The following CDH20 variants were observed in gnomAD, a reference collection of about 807,000 sequenced individuals.
The protein encoded by CDH20 is cadherin-20.
Under a neutral mutation model 74.2 loss-of-function variants are expected in CDH20, and 29 were observed. The ratio of observed to expected loss-of-function variants is 0.39; its 90% CI spans 0.29 to 0.53. The LOEUF is 0.53. Among genes scored for constraint, CDH20 ranks in the 20% least tolerant of loss-of-function variants. The pLI, the probability that CDH20 is intolerant of heterozygous loss-of-function variation, is 0.69. For synonymous variants in CDH20, 469 were observed against 405.4 expected (o/e 1.16, Z -1.88); for missense variants, 988 against 1,048.3 (o/e 0.94, Z 0.79).
intron 1 of CDH20, among the ~76,000 whole-genome samples, chr18:61,380,163 G>A (rs1273417453): frequency 6.6e-6 from 1 of 152,202 alleles, no homozygotes; most frequent in Non-Finnish European, 1.5e-5. Context: ...TTCAGGGGAG[G>A]AAGGCCAATA....
At chr18:61,392,832 C>A (rs1303471448) in intron 1 of CDH20, among the ~76,000 whole-genome samples, 1 of 150,292 alleles carries the variant, frequency 6.7e-6, no homozygotes, top group Non-Finnish European at 1.5e-5. Flanking sequence ...AAATTTTGAA[C>A]CATGAAAGCA....
chr18:61,373,546 C>T (rs941900754), intron 1 of CDH20, among the ~76,000 whole-genome samples: 3 of 152,114 alleles, frequency 2.0e-5, no homozygotes, highest in Admixed American at 1.3e-4. Flanking sequence ...TCTTCTCCAG[C>T]GCTCCTTCCA....
intron 1 of CDH20, among the ~76,000 whole-genome samples, chr18:61,474,903 A>G (rs1485445752): frequency 6.6e-6 from 1 of 152,158 alleles, no homozygotes. Flanking sequence ...AAAAACATGA[A>G]GAAGGTATTA....
chr18:61,354,995 T>C (rs1468513133), intron 1 of CDH20, among the ~76,000 whole-genome samples: 1 of 152,224 alleles, frequency 6.6e-6, no homozygotes, highest in Non-Finnish European at 1.5e-5. Flanking sequence ...TGGCCTTAAC[T>C]GGTACTGTCC....
intron 5 of CDH20, among the ~76,000 whole-genome samples, chr18:61,505,654 A>G (rs1911537524): frequency 6.6e-6 from 1 of 152,176 alleles, no homozygotes; most frequent in East Asian, 1.9e-4. Flanking sequence ...ACATCTTAAT[A>G]CCATTCTAAA....
intron 1 of CDH20, among the ~76,000 whole-genome samples, chr18:61,449,837 T>C (rs1233463919): frequency 3.3e-5 from 5 of 152,014 alleles, no homozygotes; most frequent in Non-Finnish European, 5.9e-5. Flanking sequence ...TTTTCTTTAA[T>C]AAATGAAAAT....
intron 1 of CDH20, among the ~76,000 whole-genome samples, chr18:61,343,245 A>C (rs896990100): frequency 6.6e-6 from 1 of 152,198 alleles, no homozygotes; most frequent in African/African-American, 2.4e-5. Flanking sequence ...CTGGATTTGC[A>C]ATGTATTACA....
chr18:61,351,054 T>A (rs1205974065), intron 1 of CDH20, among the ~76,000 whole-genome samples: 1 of 152,182 alleles, frequency 6.6e-6, no homozygotes, highest in Non-Finnish European at 1.5e-5. Flanking sequence ...CCTAAGTGAA[T>A]TCTTGTAGTT....
At chr18:61,401,777 C>T (rs751847042) in intron 1 of CDH20, among the ~76,000 whole-genome samples, 3 of 151,840 alleles carry the variant, frequency 2.0e-5, no homozygotes, top group Non-Finnish European at 4.4e-5. Context: ...ATTTTTGTTC[C>T]GTGCAAATTC....
chr18:61,455,413 T>C (rs1909540401), intron 1 of CDH20, among the ~76,000 whole-genome samples: 1 of 152,228 alleles, frequency 6.6e-6, no homozygotes, highest in Admixed American at 6.5e-5. Flanking sequence ...GAGCCATTAA[T>C]GAAATTATTT....
At chr18:61,486,461 A>G (rs1454119326) in intron 1 of CDH20, among the ~76,000 whole-genome samples, 1 of 152,194 alleles carries the variant, frequency 6.6e-6, no homozygotes, top group Non-Finnish European at 1.5e-5. Flanking sequence ...TGTACTCTAT[A>G]CAAAAGGATT....
Position 61,405,768 on chromosome 18 carries a change from A to C in CDH20, c.-153+71941A>C, listed in dbSNP as rs536822933. Among the ~76,000 whole-genome samples, 50 of 152,316 alleles carry C rather than the reference A, an allele frequency of 3.3e-4. 1 individual carries two copies. In the South Asian group the frequency reaches 0.01, roughly 32 times the overall value. ...TGGGTCCCAAGGCCTACAGAATCTGAAACTTCTAGGATGAGGCCCAGCAGC... is the reference window on the plus strand; with the variant it reads ...TGGGTCCCAAGGCCTACAGAATCTGCAACTTCTAGGATGAGGCCCAGCAGC... On this transcript the variant is annotated intron_variant, in intron 1 of 11. Coordinates refer to ENST00000262717, the MANE Select transcript of CDH20 (RefSeq NM_031891.4).
At chr18:61,360,342 A>G (rs909156716) in intron 1 of CDH20, among the ~76,000 whole-genome samples, 1 of 152,184 alleles carries the variant, frequency 6.6e-6, no homozygotes, top group East Asian at 1.9e-4. Context: ...TATTAGATTG[A>G]TGAATGGATG....
chr18:61,554,611 C>T lies in CDH20; in HGVS notation c.2322C>T (p.Phe774=), dbSNP rs1273686501. 3 of 1,607,976 alleles carry T rather than the reference C, an allele frequency of 1.9e-6. No individual in the cohort carries two copies. The highest frequency in any genetic ancestry group is 1.1e-5 in the South Asian group (1 of 90,144). The part of the protein sequence containing the change: ...QSATSDSEQS[F]DFLTDWGPRF... ...CCACGTCGGACTCGGAACAGAGCTT[C>T]GACTTCCTGACGGACTGGGGGCCCC... The change falls in exon 12 of 12, where the codon TTC becomes TTT. Residue 774 remains phenylalanine, a synonymous_variant. Coordinates refer to ENST00000262717, the MANE Select transcript of CDH20 (RefSeq NM_031891.4).
chr18:61,350,933 G>A (rs1028620368), intron 1 of CDH20, among the ~76,000 whole-genome samples: 1 of 152,108 alleles, frequency 6.6e-6, no homozygotes, highest in African/African-American at 2.4e-5. Context: ...AGGGAGGCAG[G>A]CAAATGTTCT....
intron 1 of CDH20, among the ~76,000 whole-genome samples, chr18:61,365,336 T>G (rs1191586873): frequency 6.6e-6 from 1 of 152,214 alleles, no homozygotes; most frequent in East Asian, 1.9e-4. Flanking sequence ...CACTGAGGAT[T>G]CTGAAAACTG....
rs1309019859 is a variant in CDH20 at position 61,333,709 on chromosome 18, G to A, written c.-271G>A. 1 of 153,174 alleles carries A rather than the reference G, an allele frequency of 6.5e-6. No homozygotes were observed. Among genetic ancestry groups the A allele is most frequent in the Non-Finnish European group, 1.5e-5 (1 of 68,860 alleles). 9.5% of individuals were successfully genotyped at this position (153,174 alleles called of 1,614,324 possible). ...GGGGGCGGGGACAGCGCCGCGAGCAGGGGTGAAGAGACCCAGCGGGGCACC... is the reference window on the plus strand; with the variant it reads ...GGGGGCGGGGACAGCGCCGCGAGCAAGGGTGAAGAGACCCAGCGGGGCACC... On this transcript the variant is annotated 5_prime_UTR_variant, in exon 1 of 12. Transcript: ENST00000262717.
intron 6 of CDH20, among the ~76,000 whole-genome samples, chr18:61,520,258 G>A (rs1599142942): frequency 7.0e-6 from 1 of 143,088 alleles, no homozygotes; most frequent in East Asian, 2.2e-4. Flanking sequence ...GGAGCTTGCA[G>A]TGAGCCTAGA....
intron 7 of CDH20, among the ~76,000 whole-genome samples, chr18:61,529,871 A>G (rs1273024437): frequency 6.6e-6 from 1 of 152,170 alleles, no homozygotes; most frequent in Non-Finnish European, 1.5e-5. Context: ...GAAAACTATC[A>G]GTTGGCCAGC....
Sources: gnomAD v4.1 joint callset for allele counts (sites outside exome capture counted in the v4.1 genomes callset) on GRCh38, gnomAD v4.1.1 for gene constraint, MANE v1.5 for transcripts, NCBI Gene and HGNC (gene_info 2026-07-23, HGNC 2026-07-21) for gene names.